The following MRE11 variants were observed in gnomAD, a reference collection of about 807,000 sequenced individuals.
MRE11 encodes MRE11 double strand break repair nuclease.
Under a neutral mutation model 91.7 loss-of-function variants are expected in MRE11, and 62 were observed. The observed-to-expected ratio is 0.68, with a 90% CI of 0.55 to 0.84. MRE11 has a LOEUF of 0.84. MRE11 is among the 40% of genes least tolerant of loss of function. The pLI, the probability that MRE11 is intolerant of heterozygous loss-of-function variation, is 0.00. For synonymous variants in MRE11, 273 were observed against 271.4 expected (o/e 1.01, Z -0.06); for missense variants, 796 against 852.9 (o/e 0.93, Z 0.83).
intron 4 of MRE11, among the ~76,000 whole-genome samples, chr11:94,481,816 T>C (rs1947019942): frequency 6.6e-6 from 1 of 152,232 alleles, no homozygotes; most frequent in Non-Finnish European, 1.5e-5. Flanking sequence ...TCAAATCTAA[T>C]TGGCTACTAA....
At chr11:94,465,845 C>G (rs748840888) in intron 10 of MRE11, among the ~76,000 whole-genome samples, 4 of 152,184 alleles carry the variant, frequency 2.6e-5, no homozygotes, top group Admixed American at 6.5e-5. Flanking sequence ...GTATGCTGTT[C>G]AGGGCCAGGG....
In MRE11 at chr11:94,485,939, TTGAC is replaced by T. The variant is rs1555017184; in HGVS notation, c.295_298del (p.Val99ThrfsTer10). On this transcript the variant is annotated frameshift_variant, in exon 4 of 20. Transcript: ENST00000323929. LOFTEE classifies it high-confidence loss of function. The stretch of plus-strand genomic sequence containing the variant: ...ATATACTTACTTACTAAAACCAAAG[TTGAC>T]TGACTGATCACTGAGAATTTCAAAC... 1 of 1,612,954 alleles carries T rather than the reference TTGAC, an allele frequency of 6.2e-7. No individual in the cohort carries two copies. The highest frequency in any genetic ancestry group is 1.1e-5 in the South Asian group (1 of 91,034).
At chr11:94,498,359 G>A (rs1482496338), upstream of MRE11, 1 of 1,613,336 alleles carries the variant, frequency 6.2e-7, no homozygotes, top group Non-Finnish European at 8.5e-7. Context: ...TCTTGCTGCT[G>A]GGAACAGAGA....
chr11:94,459,677 A>G (rs558439551), intron 12 of MRE11, 96 bp from the exon 13 acceptor site: 32 of 1,339,624 alleles, frequency 2.4e-5, no homozygotes, highest in Middle Eastern at 2.4e-4. Context: ...GTTACCAGAG[A>G]AAAAATATAG....
At chr11:94,461,220 C>A (rs570393993) in intron 11 of MRE11, among the ~76,000 whole-genome samples, 184 bp from the exon 12 acceptor site, 1 of 152,298 alleles carries the variant, frequency 6.6e-6, no homozygotes, top group South Asian at 2.1e-4. Flanking sequence ...TCCCCACAGT[C>A]AGTATTTCTC....
chr11:94,435,931 TG>T, intron 17 of MRE11, 32 bp from the exon 18 acceptor site: 1 of 1,565,324 alleles, frequency 6.4e-7, no homozygotes, highest in Non-Finnish European at 8.8e-7. Flanking sequence ...AAACAGTTTT[TG>T]TGAGAATAGA....
chr11:94,467,253 G>A (rs12269941), intron 10 of MRE11, among the ~76,000 whole-genome samples: 221 of 152,200 alleles, frequency 1.5e-3, no homozygotes, highest in African/African-American at 5.0e-3. Flanking sequence ...TTTATAACAC[G>A]ATAGAAAGGA....
chr11:94,422,944 C>A (rs1327073733), intron 19 of MRE11, among the ~76,000 whole-genome samples: 1 of 152,092 alleles, frequency 6.6e-6, no homozygotes. Flanking sequence ...AACTCCCGAC[C>A]TCAGGTGATC....
At chr11:94,434,239 T>G (rs559964889) in intron 18 of MRE11, among the ~76,000 whole-genome samples, 1 of 152,222 alleles carries the variant, frequency 6.6e-6, no homozygotes, top group Non-Finnish European at 1.5e-5. Flanking sequence ...ATCTAATAAG[T>G]GAACGTGGAA....
chr11:94,475,658 GAA>G, intron 7 of MRE11: 1 of 455,510 alleles, frequency 2.2e-6, no homozygotes, highest in Admixed American at 2.4e-5. Context: ...ACTAACAAAA[GAA>G]AGGTAATCTA....
At chr11:94,420,949 G>A (rs559303098) in intron 19 of MRE11, among the ~76,000 whole-genome samples, 26 of 152,000 alleles carry the variant, frequency 1.7e-4, no homozygotes, top group Non-Finnish European at 2.4e-4. Flanking sequence ...GGAGAATGGC[G>A]TGAAACTGGG....
At chr11:94,498,044 TGAAA>T (rs1947441564), upstream of MRE11, 1 of 1,522,292 alleles carries the variant, frequency 6.6e-7, no homozygotes, top group Middle Eastern at 2.1e-4. Context: ...TGAGTTGAGT[TGAAA>T]GATTTCTTTT....
At chr11:94,482,892 C>T (rs1298388874) in intron 4 of MRE11, among the ~76,000 whole-genome samples, 6 of 152,064 alleles carry the variant, frequency 3.9e-5, no homozygotes, top group African/African-American at 9.7e-5. Context: ...GAGCCAAGAT[C>T]GTGCCTCTGC....
chr11:94,464,672 G>C (rs1177580137), intron 10 of MRE11, among the ~76,000 whole-genome samples: 1 of 152,186 alleles, frequency 6.6e-6, no homozygotes, highest in Admixed American at 6.5e-5. Context: ...TCAAGAGAAA[G>C]ATGAATGCTA....
chr11:94,442,560 ACT>A (rs1945811660), intron 16 of MRE11, among the ~76,000 whole-genome samples: 2 of 152,028 alleles, frequency 1.3e-5, no homozygotes, highest in African/African-American at 4.8e-5. Context: ...TACATCTATG[ACT>A]CTGTCGATTG....
chr11:94,459,181 C>A (rs574908526), intron 13 of MRE11, among the ~76,000 whole-genome samples: 10 of 152,298 alleles, frequency 6.6e-5, no homozygotes, highest in Admixed American at 6.5e-4. Flanking sequence ...AGAGAAGATA[C>A]TATCCATGGG....
At position 94,416,395 on chromosome 11, in the gene MRE11, C is replaced by T. The variant is rs1945032259; in HGVS notation, c.*3730G>A. 1 of 152,020 alleles carries T rather than the reference C, an allele frequency of 6.6e-6. No individual in the cohort carries two copies. Among genetic ancestry groups the T allele is most frequent in the East Asian group, 1.9e-4 (1 of 5,194 alleles). The allele number at this position is 152,020 out of a possible 1,614,324, so 9.4% of individuals were successfully genotyped here. On this transcript the variant is annotated 3_prime_UTR_variant, in exon 20 of 20. Transcript: ENST00000323929. ...AACTAAAATTCTAGTATTTTCTGAC[C>T]AAACTAAGTTCAAAAGTACTAAAAG... is the stretch of plus-strand genomic sequence containing the variant.
intron 5 of MRE11, 29 bp downstream of exon 5, chr11:94,479,645 C>T (rs1289137411): frequency 1.3e-6 from 2 of 1,588,202 alleles, no homozygotes; most frequent in Non-Finnish European, 1.7e-6. Context: ...TTCCAAAATT[C>T]CAACAAACTC....
chr11:94,444,438 A>G (rs1348563752), intron 16 of MRE11, among the ~76,000 whole-genome samples: 2 of 152,068 alleles, frequency 1.3e-5, no homozygotes, highest in Admixed American at 1.3e-4. Context: ...TAGCAGCTGA[A>G]GCCATGGTTT....
Sources: gnomAD v4.1 joint callset for allele counts (sites outside exome capture counted in the v4.1 genomes callset) on GRCh38, gnomAD v4.1.1 for gene constraint, MANE v1.5 for transcripts, NCBI Gene and HGNC (gene_info 2026-07-23, HGNC 2026-07-21) for gene names.